Variants in MDFIC2 observed in about 807,000 individuals in gnomAD.
The protein encoded by MDFIC2 is MyoD family inhibitor domain containing 2, also known as myoD family inhibitor domain-containing protein 2.
chr3:70,206,588 A>T lies in MDFIC2; in HGVS notation c.291T>A (p.Val97=). 1 of 397,778 alleles carries T rather than the reference A, an allele frequency of 2.5e-6. No individual in the cohort carries two copies. 24.6% of individuals were successfully genotyped at this position (397,778 alleles called of 1,614,324 possible). The part of the protein sequence containing the change: ...TFSYLQTDTS[V]HHRDTDEECA... ...ACATACCATCAGTGTCTCTGTGATG[A>T]ACTGAAGTATCAGTTTGGAGGTAAG... Residue 97 remains valine (V), a synonymous_variant, in exon 3 of 4, where the codon GTT becomes GTA. Transcript: ENST00000567252.
At chr3:70,300,529 T>C (rs1008777299) in intron 2 of MDFIC2, among the ~76,000 whole-genome samples, 1 of 151,984 alleles carries the variant, frequency 6.6e-6, no homozygotes, top group African/African-American at 2.4e-5. Flanking sequence ...ATATTATATA[T>C]ATATTAGCCT....
chr3:70,253,610 C>A (rs1411206135), intron 2 of MDFIC2, among the ~76,000 whole-genome samples: 1 of 152,128 alleles, frequency 6.6e-6, no homozygotes, highest in African/African-American at 2.4e-5. Context: ...GTAGTCCTAG[C>A]TAGTCAAGAG....
At chr3:70,234,014 A>C (rs1471697235) in intron 2 of MDFIC2, among the ~76,000 whole-genome samples, 1 of 152,190 alleles carries the variant, frequency 6.6e-6, no homozygotes, top group Non-Finnish European at 1.5e-5. Flanking sequence ...ATGCTGAGTC[A>C]TGTGATAGGT....
At chr3:70,202,517 A>T (rs1701249682) in intron 3 of MDFIC2, among the ~76,000 whole-genome samples, 1 of 152,066 alleles carries the variant, frequency 6.6e-6, no homozygotes, top group Non-Finnish European at 1.5e-5. Context: ...TTGTATATTA[A>T]ATCTCCTCTA....
intron 2 of MDFIC2, among the ~76,000 whole-genome samples, chr3:70,293,775 A>T (rs1702264250): frequency 6.6e-6 from 1 of 152,060 alleles, no homozygotes; most frequent in South Asian, 2.1e-4. Flanking sequence ...AACAATGAGT[A>T]TCTGAACCTT....
At chr3:70,205,352 A>G (rs1576154429) in intron 3 of MDFIC2, 1 of 152,100 alleles carries the variant, frequency 6.6e-6, no homozygotes, top group East Asian at 1.9e-4. Flanking sequence ...CCTACTTAGT[A>G]TTCATATTAT....
intron 2 of MDFIC2, among the ~76,000 whole-genome samples, chr3:70,296,726 G>A (rs950710844): frequency 1.3e-4 from 20 of 151,996 alleles, no homozygotes; most frequent in African/African-American, 4.3e-4. Flanking sequence ...TTCATTCACA[G>A]TGTCATTCCT....
chr3:70,252,264 G>A (rs992876120), intron 2 of MDFIC2, among the ~76,000 whole-genome samples: 13 of 152,276 alleles, frequency 8.5e-5, no homozygotes, highest in Non-Finnish European at 1.2e-4. Flanking sequence ...GTATGACTTA[G>A]GCTTAAAGTA....
intron 2 of MDFIC2, among the ~76,000 whole-genome samples, chr3:70,218,642 G>A (rs1576159311): frequency 6.6e-6 from 1 of 152,162 alleles, no homozygotes; most frequent in Admixed American, 6.5e-5. Context: ...GTACTTGGGT[G>A]GCATAACACC....
intron 1 of MDFIC2, 41 bp downstream of exon 1, chr3:70,312,510 C>G (rs560716154): frequency 1.3e-5 from 2 of 152,210 alleles, no homozygotes; most frequent in Non-Finnish European, 2.9e-5. Flanking sequence ...ATGGCTTGCT[C>G]GCAATGAGCT....
chr3:70,217,869 C>T (rs1273297382), intron 2 of MDFIC2, among the ~76,000 whole-genome samples: 1 of 152,088 alleles, frequency 6.6e-6, no homozygotes, highest in African/African-American at 2.4e-5. Context: ...TTAAGAGGCT[C>T]CCTATCAGCA....
chr3:70,303,635 A>G (rs1202728237), intron 2 of MDFIC2, among the ~76,000 whole-genome samples: 3 of 152,102 alleles, frequency 2.0e-5, no homozygotes, highest in South Asian at 4.1e-4. Context: ...CTCCCTTTTA[A>G]TATTGCTGAA....
rs1701401195 is a variant in MDFIC2, at chr3:70,215,634, C to T, written c.89-8844G>A. 2.6e-5 allele frequency among the ~76,000 whole-genome samples: 4 copies of T among 152,018 alleles called. No homozygotes were observed. The South Asian group carries it at 8.3e-4, about 32-fold the overall frequency. ...CCAGGTTGATATCCTTACTAGATCC[C>T]TTAGTTTAGTTTATAGTACTGTGAT... On this transcript the variant is annotated intron_variant, in intron 2 of 3. Coordinates refer to ENST00000567252, the MANE Select transcript of MDFIC2 (RefSeq NM_001364677.1).
chr3:70,248,128 CA>C (rs1306955851), intron 2 of MDFIC2, among the ~76,000 whole-genome samples: 2 of 151,948 alleles, frequency 1.3e-5, no homozygotes, highest in South Asian at 2.1e-4. Flanking sequence ...AGTAATGAAC[CA>C]TATTATTCTC....
chr3:70,278,303 A>C (rs1170771266), intron 2 of MDFIC2, among the ~76,000 whole-genome samples: 1 of 152,230 alleles, frequency 6.6e-6, no homozygotes, highest in Non-Finnish European at 1.5e-5. Flanking sequence ...ACAGGACTAC[A>C]TATGTGTATG....
At chr3:70,248,598 G>A (rs1002285106) in intron 2 of MDFIC2, among the ~76,000 whole-genome samples, 1 of 152,062 alleles carries the variant, frequency 6.6e-6, no homozygotes, top group East Asian at 1.9e-4. Context: ...GATTGGAAGG[G>A]ACAAGATTGG....
chr3:70,281,238 C>T (rs1111622), intron 2 of MDFIC2, among the ~76,000 whole-genome samples: 31,560 of 152,010 alleles, frequency 0.21, 3,496 homozygotes, highest in South Asian at 0.28. Context: ...TGTTCCTCTT[C>T]TGCATAAATT....
intron 2 of MDFIC2, among the ~76,000 whole-genome samples, chr3:70,288,022 T>C (rs1702186548): frequency 6.6e-6 from 1 of 151,922 alleles, no homozygotes; most frequent in African/African-American, 2.4e-5. Flanking sequence ...CCTGGATTCA[T>C]TAATTTTTTG....
At chr3:70,297,528 G>T (rs1409987889) in intron 2 of MDFIC2, among the ~76,000 whole-genome samples, 2 of 151,948 alleles carry the variant, frequency 1.3e-5, no homozygotes, top group Admixed American at 1.3e-4. Flanking sequence ...AAATATGAAG[G>T]CTTATTATTG....
Sources: allele counts gnomAD v4.1 joint callset (sites outside exome capture counted in the v4.1 genomes callset), GRCh38; gene constraint gnomAD v4.1.1; transcripts MANE v1.5; gene names NCBI Gene and HGNC (gene_info 2026-07-23, HGNC 2026-07-21).